The following FUT8 variants were observed in gnomAD, a reference collection of about 807,000 sequenced individuals.
FUT8 encodes alpha-(1,6)-fucosyltransferase.
Under a neutral mutation model 71.3 loss-of-function variants are expected in FUT8, and 29 were observed. The ratio of observed to expected loss-of-function variants is 0.41; its 90% CI spans 0.30 to 0.55. The LOEUF is 0.55. Among genes scored for constraint, FUT8 ranks in the 20% least tolerant of loss-of-function variants. The pLI, the probability that FUT8 is intolerant of heterozygous loss-of-function variation, is 0.34. For missense variants in FUT8, 544 were observed against 702.1 expected (o/e 0.77, Z 2.55); for synonymous variants, 254 against 239.3 (o/e 1.06, Z -0.57).
At chr14:65,642,480 A>G (rs1241103333) in intron 6 of FUT8, among the ~76,000 whole-genome samples, 3 of 151,760 alleles carry the variant, frequency 2.0e-5, no homozygotes, top group Non-Finnish European at 2.9e-5. Flanking sequence ...GCGCACACCT[A>G]CAATCCCAGC....
intron 2 of FUT8, among the ~76,000 whole-genome samples, chr14:65,554,558 T>A (rs1305583047): frequency 6.6e-6 from 1 of 151,946 alleles, no homozygotes; most frequent in Non-Finnish European, 1.5e-5. Flanking sequence ...CGGGTACCCT[T>A]CTTCTTTGAT....
chr14:65,394,483 C>G, the FUT8 span, among the ~76,000 whole-genome samples: 2 of 152,188 alleles, frequency 1.3e-5, no homozygotes, highest in African/African-American at 2.4e-5. Context: ...CCTCCTATTT[C>G]AAAACCAATC....
rs79156049 is a variant in FUT8, at chr14:65,473,648, G to A, written c.-228+17930G>A. On this transcript the variant is annotated intron_variant, in intron 2 of 10. Coordinates refer to ENST00000673929, the MANE Select transcript of FUT8 (RefSeq NM_001371533.1). ...ATTTAATATGTTGTGTTTAATTCTT[G>A]TAATATTTTACTCACAAATTGAACT... 5.8e-3 allele frequency among the ~76,000 whole-genome samples: 876 copies of A among 152,220 alleles called. 34 individuals are homozygous for A. The East Asian group carries it at 0.092, about 16-fold the overall frequency.
intron 2 of FUT8, among the ~76,000 whole-genome samples, chr14:65,534,227 A>G (rs1379690840): frequency 6.6e-6 from 1 of 152,040 alleles, no homozygotes; most frequent in East Asian, 1.9e-4. Context: ...GACTCAAGTG[A>G]TCTTCCCACT....
chr14:65,412,445 C>T (rs1408680243), upstream of FUT8: 1 of 421,366 alleles, frequency 2.4e-6, no homozygotes, highest in Non-Finnish European at 4.8e-6. Context: ...CCAGGATCCG[C>T]TCGCGCCCCG....
At chr14:65,546,296 T>G (rs1017777084) in intron 2 of FUT8, among the ~76,000 whole-genome samples, 4 of 151,826 alleles carry the variant, frequency 2.6e-5, no homozygotes, top group Admixed American at 6.6e-5. Context: ...TGAATTTAAG[T>G]TTTTAAGTCA....
chr14:65,733,059 A>G (rs1340916371), intron 9 of FUT8, among the ~76,000 whole-genome samples, 172 bp from the exon 10 acceptor site: 1 of 152,180 alleles, frequency 6.6e-6, no homozygotes, highest in Non-Finnish European at 1.5e-5. Flanking sequence ...GGCATTCCAG[A>G]ATGGTTTCTG....
At chr14:65,512,009 G>C (rs1234293844) in intron 2 of FUT8, among the ~76,000 whole-genome samples, 1 of 152,100 alleles carries the variant, frequency 6.6e-6, no homozygotes, top group Non-Finnish European at 1.5e-5. Flanking sequence ...GGATGTTACA[G>C]CCTACTACCC....
rs142824244 is a variant in FUT8, at chr14:65,457,515, C to T, written c.-228+1797C>T. ...GCTGCAGACAAAACCTCTCAGACAC[C>T]GAGTTATAGAAGGAAGGGCTTTATT... On this transcript the variant is annotated intron_variant, in intron 2 of 10. Coordinates refer to ENST00000673929, the MANE Select transcript of FUT8 (RefSeq NM_001371533.1). Among the ~76,000 whole-genome samples, 7 of 152,158 alleles carry T rather than the reference C, an allele frequency of 4.6e-5. No homozygotes were observed. The East Asian group carries it at 5.8e-4, about 13-fold the overall frequency.
intron 2 of FUT8, among the ~76,000 whole-genome samples, chr14:65,513,779 G>A (rs1287845422): frequency 6.6e-6 from 1 of 152,202 alleles, no homozygotes; most frequent in Admixed American, 6.5e-5. Context: ...GTAACCTCTG[G>A]TGGAACTGTA....
chr14:65,431,162 AT>A (rs34255715), intron 1 of FUT8, among the ~76,000 whole-genome samples: 345 of 127,428 alleles, frequency 2.7e-3, no homozygotes, highest in Middle Eastern at 4.6e-3. Flanking sequence ...TACCCGGCTA[AT>A]TTTTTTTTTT....
intron 2 of FUT8, among the ~76,000 whole-genome samples, chr14:65,495,766 A>G (rs1198706257): frequency 6.6e-6 from 1 of 152,140 alleles, no homozygotes; most frequent in Non-Finnish European, 1.5e-5. Flanking sequence ...ATTTTTTGCT[A>G]TGACTAATTG....
intron 3 of FUT8, among the ~76,000 whole-genome samples, chr14:65,605,143 A>G (rs1453347823): frequency 6.6e-6 from 1 of 151,970 alleles, no homozygotes; most frequent in African/African-American, 2.4e-5. Flanking sequence ...ATGGACATCT[A>G]GTGTCTCCTT....
chr14:65,588,917 C>CTAGG (rs1887534807), intron 3 of FUT8, among the ~76,000 whole-genome samples: 1 of 152,190 alleles, frequency 6.6e-6, no homozygotes, highest in African/African-American at 2.4e-5. Context: ...CAGGCATCCA[C>CTAGG]TAGGGGTCTT....
intron 6 of FUT8, among the ~76,000 whole-genome samples, chr14:65,661,173 C>T (rs998403383): frequency 6.6e-6 from 1 of 152,052 alleles, no homozygotes; most frequent in East Asian, 1.9e-4. Flanking sequence ...GGAAGGATCT[C>T]CTGGGGTTCT....
intron 9 of FUT8, 121 bp from the exon 10 acceptor site, chr14:65,733,110 A>G: frequency 1.7e-6 from 1 of 601,230 alleles, no homozygotes; most frequent in Non-Finnish European, 2.8e-6. Context: ...CAACTACAGT[A>G]TTAAATGCCA....
At chr14:65,657,914 C>T (rs867759681) in intron 6 of FUT8, among the ~76,000 whole-genome samples, 1 of 151,474 alleles carries the variant, frequency 6.6e-6, no homozygotes, top group Admixed American at 6.6e-5. Flanking sequence ...CCTTATGTAC[C>T]CCATAAATAT....
the FUT8 span, among the ~76,000 whole-genome samples, chr14:65,391,718 C>A: frequency 1.3e-5 from 2 of 150,748 alleles, no homozygotes; most frequent in Non-Finnish European, 3.0e-5. Flanking sequence ...GAACTCCTGA[C>A]CTCAAGTGAT....
chr14:65,475,722 C>G (rs1301327054), intron 2 of FUT8, among the ~76,000 whole-genome samples: 1 of 151,828 alleles, frequency 6.6e-6, no homozygotes, highest in East Asian at 1.9e-4. Context: ...ATATAGAGCT[C>G]AGGCTCTATA....
Sources: gnomAD v4.1 joint callset for allele counts (sites outside exome capture counted in the v4.1 genomes callset) on GRCh38, gnomAD v4.1.1 for gene constraint, MANE v1.5 for transcripts, NCBI Gene and HGNC (gene_info 2026-07-23, HGNC 2026-07-21) for gene names.